Variants in CPLANE1 observed in about 807,000 individuals in gnomAD.
The protein encoded by CPLANE1 is ciliogenesis and planar polarity effector 1.
In CPLANE1, 263 loss-of-function variants were observed where a neutral mutation model predicts 362.5. That is an observed-to-expected ratio of 0.73 (90% CI 0.66 to 0.80). CPLANE1 has a LOEUF of 0.80. Ranked by LOEUF, CPLANE1 falls within the 30% of genes least tolerant of loss-of-function variation. The pLI is 0.00. For synonymous variants in CPLANE1, 1,212 were observed against 1,302.6 expected, an observed-to-expected ratio of 0.93 and a Z score of 1.50; for missense variants, 3,461 against 3,793.4, an observed-to-expected ratio of 0.91 and a Z score of 2.30.
chr5:37,240,166 A>G (rs1800026852), intron 6 of CPLANE1, among the ~76,000 whole-genome samples: 1 of 152,114 alleles, frequency 6.6e-6, no homozygotes, highest in African/African-American at 2.4e-5. Flanking sequence ...AGCCTAGCCA[A>G]CAGGTGAAAT....
chr5:37,247,829 G>A lies in CPLANE1; in HGVS notation c.-47-84C>T, dbSNP rs6876937. The A allele has an allele frequency of 2.9e-3, 2,892 of 1,011,342 alleles. 57 individuals are homozygous for A. The African/African-American group carries it at 0.044, about 15-fold the overall frequency. 62.6% of individuals were successfully genotyped at this position (1,011,342 alleles called of 1,614,324 possible). A position where few individuals can be genotyped will look rare whatever the true frequency, so the allele number is the denominator to read the frequency against. Reference sequence around the variant, plus strand: ...TTTTTTTTTTTGAGACAAGAGTTTCGTTCTGTTGCCCCAGCTGGAGTGCAG... The same window carrying A: ...TTTTTTTTTTTGAGACAAGAGTTTCATTCTGTTGCCCCAGCTGGAGTGCAG... On this transcript the variant is annotated intron_variant, in intron 1 of 52. Transcript: ENST00000651892.
At chr5:37,189,997 C>G (rs951739580) in intron 21 of CPLANE1, among the ~76,000 whole-genome samples, 2 of 149,696 alleles carry the variant, frequency 1.3e-5, no homozygotes, top group African/African-American at 4.9e-5. Context: ...GAGATTTTGT[C>G]TCAAAAAAAA....
chr5:37,090,918 C>G, the CPLANE1 span, among the ~76,000 whole-genome samples: 1 of 152,210 alleles, frequency 6.6e-6, no homozygotes, highest in African/African-American at 2.4e-5. Flanking sequence ...ATGTACACAT[C>G]CTATTTTTAT....
At chr5:37,233,670 C>T (rs1245271129) in intron 8 of CPLANE1, among the ~76,000 whole-genome samples, 1 of 152,048 alleles carries the variant, frequency 6.6e-6, no homozygotes, top group Non-Finnish European at 1.5e-5. Context: ...CTACTGCCAT[C>T]GCCCACACCA....
intron 38 of CPLANE1, 148 bp downstream of exon 38, chr5:37,162,317 T>C (rs1777049323): frequency 1.7e-6 from 1 of 595,204 alleles, no homozygotes; most frequent in South Asian, 2.3e-5. Context: ...CTACAGTATA[T>C]ACCAAGACTG....
intron 16 of CPLANE1, chr5:37,210,241 T>C (rs61735507): frequency 0.036 from 57,598 of 1,602,806 alleles, 1,285 homozygotes; most frequent in Middle Eastern, 0.098. Flanking sequence ...CTAAAAGATA[T>C]GGATTTGCTA....
At position 37,125,355 on chromosome 5, in the gene CPLANE1, C is replaced by G; in HGVS notation, c.8847G>C (p.Glu2949Asp). 1.2e-6 allele frequency: 2 copies of G among 1,613,828 alleles called. No homozygotes were observed. Among genetic ancestry groups the G allele is most frequent in the Non-Finnish European group, 1.7e-6 (2 of 1,179,944 alleles). The change falls in exon 47 of 53, where the codon GAG (glutamate) becomes GAC (aspartate). Residue 2949 changes from glutamate (E) to aspartate (D), a missense_variant. Transcript: ENST00000651892. ...HSQRTDKERR[E>D]IQAWMKRKRK... ...GTTTTCTTTTCATCCAGGCTTGAAT[C>G]TCTCTTCTTTCCTTGTCAGTTCTTT...
Position 37,244,361 on chromosome 5 carries a change from G to A in CPLANE1, c.570+14C>T, listed in dbSNP as rs1431077955. 1 of 1,528,954 alleles carries A rather than the reference G, an allele frequency of 6.5e-7. No individual in the cohort carries two copies. 94.7% of individuals were successfully genotyped at this position (1,528,954 alleles called of 1,614,324 possible). A position where few individuals can be genotyped will look rare whatever the true frequency, so the allele number is the denominator to read the frequency against. On this transcript the variant is annotated intron_variant, in intron 5 of 52. Transcript: ENST00000651892. ...TAATCTGCTTCACAGATAAGAGTCTGAGACTGATTTTACCTCATTTTTTAT... is the reference window on the plus strand; with the variant it reads ...TAATCTGCTTCACAGATAAGAGTCTAAGACTGATTTTACCTCATTTTTTAT...
intron 9 of CPLANE1, among the ~76,000 whole-genome samples, chr5:37,228,276 T>G (rs919168727): frequency 1.3e-5 from 2 of 152,130 alleles, no homozygotes; most frequent in Admixed American, 1.3e-4. Flanking sequence ...CTATTTAAAT[T>G]TGAGTTTCCA....
At chr5:37,089,529 G>A in the CPLANE1 span, among the ~76,000 whole-genome samples, 111 of 152,170 alleles carry the variant, frequency 7.3e-4, 1 homozygote, top group African/African-American at 2.6e-3. Flanking sequence ...TGGGCATGTC[G>A]AATTATCTAA....
chr5:37,235,319 T>G (rs1798713173), intron 8 of CPLANE1, among the ~76,000 whole-genome samples: 1 of 151,938 alleles, frequency 6.6e-6, no homozygotes, highest in Non-Finnish European at 1.5e-5. Context: ...ATAAAAGAAA[T>G]TATAATTATA....
the CPLANE1 span, among the ~76,000 whole-genome samples, chr5:37,091,919 T>G: frequency 2.0e-5 from 3 of 152,098 alleles, no homozygotes; most frequent in African/African-American, 7.2e-5. Flanking sequence ...GGACGTCACC[T>G]GGGGGATGCT....
intron 15 of CPLANE1, among the ~76,000 whole-genome samples, chr5:37,215,739 C>CTTTTT (rs567527656): frequency 1.1e-3 from 100 of 95,152 alleles, no homozygotes; most frequent in Non-Finnish European, 1.3e-3. Context: ...CTTCTCTTTC[C>CTTTTT]TTTTTTTTTT....
In CPLANE1 at chr5:37,122,298, T is replaced by G. The variant is rs1220805219; in HGVS notation, c.9017+132A>C. On this transcript the variant is annotated intron_variant, in intron 48 of 52. Transcript: ENST00000651892. ...GTGAGTCTCATCATTTTCCTTGCAG[T>G]GATAACTCCCATAATTCTCTGTTTA... 3 of 728,608 alleles carry G rather than the reference T, an allele frequency of 4.1e-6. No individual in the cohort carries two copies. The Admixed American group carries it at 8.6e-5, about 21-fold the overall frequency. The allele number at this position is 728,608 out of a possible 1,614,324, so 45.1% of individuals were successfully genotyped here.
chr5:37,222,370 A>G lies in CPLANE1; in HGVS notation c.2582-882T>C, dbSNP rs1055253588. ...GCATGGATGTGATAGCTGAAGGTCC[A>G]GGAACCATCTTAGCTTAGGTAATGG... is the stretch of plus-strand genomic sequence containing the variant. On this transcript the variant is annotated intron_variant, in intron 14 of 52. Transcript: ENST00000651892. Among the ~76,000 whole-genome samples the G allele has an allele frequency of 2.6e-5, 4 of 152,214 alleles. No individual in the cohort carries two copies. In the East Asian group the frequency reaches 7.7e-4, roughly 29 times the overall value.
At chr5:37,099,176 T>G in the CPLANE1 span, among the ~76,000 whole-genome samples, 1 of 152,162 alleles carries the variant, frequency 6.6e-6, no homozygotes, top group African/African-American at 2.4e-5. Context: ...GATGTGCAGG[T>G]TTGTTACATA....
At chr5:37,142,773 T>A (rs1770180186) in intron 43 of CPLANE1, 1 of 177,048 alleles carries the variant, frequency 5.6e-6, no homozygotes, top group African/African-American at 2.4e-5. Context: ...ACGACCAATC[T>A]TTCTAAACAG....
At chr5:37,132,575 T>C (rs1030532435) in intron 46 of CPLANE1, among the ~76,000 whole-genome samples, 3 of 152,180 alleles carry the variant, frequency 2.0e-5, no homozygotes, top group Non-Finnish European at 4.4e-5. Context: ...CTCAATCTCC[T>C]GACCTTGTAA....
At chr5:37,084,545 C>T in the CPLANE1 span, among the ~76,000 whole-genome samples, 36 of 151,938 alleles carry the variant, frequency 2.4e-4, no homozygotes, top group African/African-American at 8.2e-4. Flanking sequence ...TTTGGGAGGC[C>T]GAGTCGGGCA....
Sources: allele counts gnomAD v4.1 joint callset (sites outside exome capture counted in the v4.1 genomes callset), GRCh38; gene constraint gnomAD v4.1.1; transcripts MANE v1.5; gene names NCBI Gene and HGNC (gene_info 2026-07-23, HGNC 2026-07-21).